Variants in ETV6 observed in about 807,000 individuals in gnomAD.
ETV6 encodes the protein ETS variant transcription factor 6, also known as transcription factor ETV6.
Under a neutral mutation model 51.1 loss-of-function variants are expected in ETV6, and 16 were observed. The observed-to-expected ratio is 0.31, with a 90% CI of 0.21 to 0.48. The LOEUF (loss-of-function observed/expected upper bound fraction) is 0.48. ETV6 is among the 20% of genes least tolerant of loss of function. The pLI is 0.99. For synonymous variants in ETV6, 240 were observed against 224.1 expected (o/e 1.07, Z -0.64); for missense variants, 458 against 594.8 (o/e 0.77, Z 2.39).
In ETV6 at chr12:11,752,513, C is replaced by A. The variant is rs756629283; in HGVS notation, c.97C>A (p.Leu33Ile). The A allele has an allele frequency of 6.2e-7, 1 of 1,614,082 alleles. No homozygotes were observed. The highest frequency in any genetic ancestry group is 8.5e-7 in the Non-Finnish European group (1 of 1,180,022). Reference sequence around the variant, plus strand: ...GCCGAGTTACGCTTCCTCGACGCCACTTCATGTTCCAGTGCCTCGAGCGCT... The same window carrying A: ...GCCGAGTTACGCTTCCTCGACGCCAATTCATGTTCCAGTGCCTCGAGCGCT... ...PVPSYASSTP[L>I]HVPVPRALRM... The change falls in exon 2 of 8, where the codon CTT becomes ATT. Residue 33 changes from leucine to isoleucine, a missense_variant. By Grantham distance (5) the Leu-to-Ile change is conservative. Coordinates refer to ENST00000396373, the MANE Select transcript of ETV6 (RefSeq NM_001987.5).
At chr12:11,716,360 A>G (rs63278260) in intron 1 of ETV6, among the ~76,000 whole-genome samples, 1 of 112,974 alleles carries the variant, frequency 8.9e-6, no homozygotes, top group African/African-American at 3.3e-5. Context: ...AAAAAAAAAA[A>G]GATCATTCGG....
chr12:11,883,770 T>C (rs1174137313), intron 5 of ETV6, among the ~76,000 whole-genome samples: 1 of 152,194 alleles, frequency 6.6e-6, no homozygotes, highest in Non-Finnish European at 1.5e-5. Flanking sequence ...TCTGCCATGA[T>C]CCACTATATC....
chr12:11,723,275 A>G (rs1321047842), intron 1 of ETV6, among the ~76,000 whole-genome samples: 2 of 152,182 alleles, frequency 1.3e-5, no homozygotes, highest in African/African-American at 4.8e-5. Flanking sequence ...GCTCTCTGTA[A>G]CAATGAATAT....
intron 1 of ETV6, among the ~76,000 whole-genome samples, chr12:11,673,794 G>C (rs1227415505): frequency 6.6e-6 from 1 of 152,156 alleles, no homozygotes; most frequent in Admixed American, 6.5e-5. Flanking sequence ...ATCTGTGACT[G>C]TTGTTAGAGT....
chr12:11,803,033 T>G (rs1005047363), intron 2 of ETV6, among the ~76,000 whole-genome samples: 1 of 152,238 alleles, frequency 6.6e-6, no homozygotes, highest in Non-Finnish European at 1.5e-5. Flanking sequence ...AGTCCATTTC[T>G]CCACAAGTTT....
At chr12:11,756,671 A>T (rs887308385) in intron 2 of ETV6, among the ~76,000 whole-genome samples, 9 of 151,894 alleles carry the variant, frequency 5.9e-5, no homozygotes, top group African/African-American at 2.2e-4. Context: ...CAAGGGAGGG[A>T]TGTTTTCTGA....
chr12:11,842,902 G>C lies in ETV6; in HGVS notation c.328+3598G>C, dbSNP rs114166478. Among the ~76,000 whole-genome samples, 284 of 107,522 alleles carry C rather than the reference G, an allele frequency of 2.6e-3. 4 individuals carry two copies. The highest frequency in any genetic ancestry group is 0.015 in the African/African-American group (271 of 17,564). The allele number at this position is 107,522 out of a possible 152,430, so 70.5% of individuals were successfully genotyped here. A position where few individuals can be genotyped will look rare whatever the true frequency, so the allele number is the denominator to read the frequency against. On this transcript the variant is annotated intron_variant, in intron 3 of 7. Transcript: ENST00000396373. ...GGAGCTGACTTGGAAGTAGTGGTTA[G>C]AGTTCATTTTTAAAGCAAGCAATGC...
intron 1 of ETV6, among the ~76,000 whole-genome samples, chr12:11,706,769 ATC>A (rs1865080287): frequency 6.6e-6 from 1 of 152,204 alleles, no homozygotes; most frequent in South Asian, 2.1e-4. Context: ...TCCTAGCCAT[ATC>A]TGTTTTCTTT....
chr12:11,803,407 T>G lies in ETV6; in HGVS notation c.164-35733T>G, dbSNP rs549997436. 7.2e-5 allele frequency among the ~76,000 whole-genome samples: 11 copies of G among 152,354 alleles called. No homozygotes were observed. The East Asian group carries it at 1.9e-3, about 27-fold the overall frequency. ...ACAGTTTCCATACATATTTGTTGAA[T>G]GAATCCTAAAAGTCAAAAGGGAGCT... On this transcript the variant is annotated intron_variant, in intron 2 of 7. Transcript: ENST00000396373.
At chr12:11,888,398 C>CTTTTCTTTTCTTTTCTTT (rs753710183) in intron 7 of ETV6, among the ~76,000 whole-genome samples, 19 of 80,686 alleles carry the variant, frequency 2.4e-4, no homozygotes, top group African/African-American at 6.7e-4. Context: ...CTTTTCTTTT[C>CTTTTCTTTTCTTTTCTTT]TTTTTTTTTT....
intron 2 of ETV6, among the ~76,000 whole-genome samples, chr12:11,818,130 T>G (rs565958412): frequency 6.6e-6 from 1 of 152,282 alleles, no homozygotes; most frequent in African/African-American, 2.4e-5. Context: ...GAAAGGGCCT[T>G]GGGGGCCAGG....
chr12:11,702,830 G>A (rs1452767325), intron 1 of ETV6, among the ~76,000 whole-genome samples: 2 of 152,200 alleles, frequency 1.3e-5, no homozygotes, highest in Non-Finnish European at 2.9e-5. Context: ...TCCTTAAAAG[G>A]TTACATTTGT....
intron 1 of ETV6, among the ~76,000 whole-genome samples, chr12:11,716,330 C>CAAAAAAAAAAAAAAAAA (rs3049068): frequency 1.7e-5 from 1 of 58,094 alleles, no homozygotes; most frequent in African/African-American, 6.3e-5. Context: ...GACTCCTTCT[C>CAAAAAAAAAAAAAAAAA]AAAAAAAAAA....
chr12:11,860,092 T>C (rs1591726920), intron 4 of ETV6, among the ~76,000 whole-genome samples: 1 of 152,132 alleles, frequency 6.6e-6, no homozygotes, highest in African/African-American at 2.4e-5. Context: ...ACACTGGCTG[T>C]CACCTACCCC....
intron 2 of ETV6, chr12:11,825,680 A>C (rs1946143347): frequency 6.6e-6 from 1 of 152,232 alleles, no homozygotes; most frequent in Non-Finnish European, 1.5e-5. Flanking sequence ...TCTATTTGGC[A>C]GCCAACATTC....
At chr12:11,735,753 T>C (rs955980702) in intron 1 of ETV6, among the ~76,000 whole-genome samples, 2 of 152,138 alleles carry the variant, frequency 1.3e-5, no homozygotes, top group African/African-American at 4.8e-5. Context: ...CGCCCGCCAG[T>C]ACGCCTGGCT....
intron 1 of ETV6, among the ~76,000 whole-genome samples, chr12:11,741,195 C>T (rs1189321719): frequency 6.6e-6 from 1 of 152,220 alleles, no homozygotes; most frequent in South Asian, 2.1e-4. Context: ...AGCAAGGTTA[C>T]TGTAAGGAAA....
At chr12:11,809,313 G>T (rs1181662771) in intron 2 of ETV6, among the ~76,000 whole-genome samples, 1 of 151,942 alleles carries the variant, frequency 6.6e-6, no homozygotes, top group Non-Finnish European at 1.5e-5. Context: ...AAAAACAAGA[G>T]AACTGAAGAC....
chr12:11,655,897 C>T (rs994995567), intron 1 of ETV6, among the ~76,000 whole-genome samples: 2 of 152,226 alleles, frequency 1.3e-5, no homozygotes, highest in Non-Finnish European at 2.9e-5. Flanking sequence ...GCTTGCATTT[C>T]TGAAACTTTG....
Sources: gnomAD v4.1 joint callset for allele counts (sites outside exome capture counted in the v4.1 genomes callset) on GRCh38, gnomAD v4.1.1 for gene constraint, MANE v1.5 for transcripts, NCBI Gene and HGNC (gene_info 2026-07-23, HGNC 2026-07-21) for gene names.